TBC1D10A: variants seen among roughly 807,000 people sequenced by gnomAD.
TBC1D10A encodes the protein EBP50-PDX interactor of 64 kDa.
TBC1D10A carries 24 observed loss-of-function variants against 52.9 expected under a neutral mutation model. The ratio of observed to expected loss-of-function variants is 0.45; its 90% CI spans 0.33 to 0.64. TBC1D10A has a LOEUF of 0.64. Ranked by LOEUF, TBC1D10A falls within the 30% of genes least tolerant of loss-of-function variation. The pLI, the probability that TBC1D10A is intolerant of heterozygous loss-of-function variation, is 0.02. For synonymous variants in TBC1D10A, 278 were observed against 282.9 expected, an observed-to-expected ratio of 0.98 and a Z score of 0.17; for missense variants, 602 against 687.9, an observed-to-expected ratio of 0.88 and a Z score of 1.40.
intron 1 of TBC1D10A, among the ~76,000 whole-genome samples, chr22:30,318,394 C>T (rs1445797431): frequency 6.6e-6 from 1 of 152,222 alleles, no homozygotes; most frequent in African/African-American, 2.4e-5. Context: ...AAGCTCAACA[C>T]CGCTTATCCT....
chr22:30,293,170 C>T (rs762438481), intron 8 of TBC1D10A: 29 of 639,076 alleles, frequency 4.5e-5, no homozygotes, highest in African/African-American at 2.5e-4. Context: ...TGTCACCCAC[C>T]GCTGCCCAGG....
chr22:30,293,283 TGTAAAAGCTG>T lies in TBC1D10A; in HGVS notation c.1050+358_1050+367del, dbSNP rs1328609089. The T allele has an allele frequency of 8.3e-6, 5 of 599,366 alleles. No homozygotes were observed. In the East Asian group the frequency reaches 2.0e-4, roughly 23 times the overall value. 37.1% of individuals were successfully genotyped at this position (599,366 alleles called of 1,614,324 possible). On this transcript the variant is annotated intron_variant, in intron 8 of 8. Transcript: ENST00000215790. ...CTCTGTGAGCCTCCATTTCCTCATG[TGTAAAAGCTG>T]GTCACGCATGTTCCACCTAATTGCC...
chr22:30,322,730 G>C (rs768842217), intron 1 of TBC1D10A, among the ~76,000 whole-genome samples: 8 of 149,246 alleles, frequency 5.4e-5, no homozygotes, highest in Non-Finnish European at 1.0e-4. Flanking sequence ...CAAGTGGCTA[G>C]GACTATAGGT....
intron 8 of TBC1D10A, 132 bp from the exon 9 acceptor site, chr22:30,292,983 G>A: frequency 8.8e-6 from 9 of 1,026,540 alleles, no homozygotes; most frequent in Non-Finnish European, 1.1e-5. Context: ...CAGGAAGGAT[G>A]AGGGTCTAGT....
At chr22:30,304,816 C>T (rs962790749) in intron 1 of TBC1D10A, among the ~76,000 whole-genome samples, 186 bp from the exon 2 acceptor site, 7 of 152,198 alleles carry the variant, frequency 4.6e-5, no homozygotes, top group South Asian at 2.1e-4. Flanking sequence ...CCCCATCCAC[C>T]GCCTCAAGGC....
intron 1 of TBC1D10A, among the ~76,000 whole-genome samples, chr22:30,313,391 A>G (rs1008494852): frequency 5.1e-5 from 6 of 118,190 alleles, no homozygotes; most frequent in Admixed American, 3.5e-4. Context: ...GTGTGTTGTT[A>G]TTGTTGTTTT....
intron 1 of TBC1D10A, among the ~76,000 whole-genome samples, chr22:30,307,250 G>C (rs145895600): frequency 6.6e-6 from 1 of 152,154 alleles, no homozygotes; most frequent in Non-Finnish European, 1.5e-5. Context: ...TGGCCCATGG[G>C]GGATGTCGCA....
Position 30,292,752 on chromosome 22 carries a change from G to A in TBC1D10A, c.1150C>T (p.Pro384Ser). Residue 384 changes from proline to serine, a missense_variant, in exon 9 of 9, where the codon CCG becomes TCG. Transcript: ENST00000215790. Reference protein sequence around the residue: ...ETRGELQCRSPPRLHGAKAIL... With the variant: ...ETRGELQCRSSPRLHGAKAIL... ...GCCTTGGCACCATGCAGCCTGGGCG[G>A]GGAGCGGCACTGCAGCTCACCCCGG... 6.2e-7 allele frequency: 1 copy of A among 1,612,032 alleles called. No homozygotes were observed. The highest frequency in any genetic ancestry group is 8.5e-7 in the Non-Finnish European group (1 of 1,179,684).
chr22:30,306,614 GAAAC>G (rs927204455), intron 1 of TBC1D10A, among the ~76,000 whole-genome samples: 1 of 152,144 alleles, frequency 6.6e-6, no homozygotes, highest in Non-Finnish European at 1.5e-5. Flanking sequence ...GATCTTCTCA[GAAAC>G]AAACAAAAAA....
chr22:30,295,618 G>A (rs1265226605), intron 4 of TBC1D10A, 119 bp downstream of exon 4: 1 of 936,510 alleles, frequency 1.1e-6, no homozygotes, highest in Non-Finnish European at 1.7e-6. Flanking sequence ...AAAGGGAAAT[G>A]CTAAGAGTGG....
intron 6 of TBC1D10A, 133 bp from the exon 7 acceptor site, chr22:30,294,243 C>A: frequency 1.0e-6 from 1 of 988,982 alleles, no homozygotes; most frequent in Non-Finnish European, 1.5e-6. Context: ...CTGCCTCTGC[C>A]AGGTGCTAGG....
intron 8 of TBC1D10A, 22 bp downstream of exon 8, chr22:30,293,629 A>G (rs1930001167): frequency 6.3e-7 from 1 of 1,587,850 alleles, no homozygotes; most frequent in African/African-American, 1.3e-5. Flanking sequence ...TCCCCATGAT[A>G]AGGGGCAGGC....
At chr22:30,305,836 C>T (rs1184797823) in intron 1 of TBC1D10A, among the ~76,000 whole-genome samples, 1 of 152,192 alleles carries the variant, frequency 6.6e-6, no homozygotes, top group African/African-American at 2.4e-5. Flanking sequence ...TGGAACTGAA[C>T]GTCTGAGGAA....
At chr22:30,308,527 A>C (rs1930364772) in intron 1 of TBC1D10A, among the ~76,000 whole-genome samples, 1 of 152,234 alleles carries the variant, frequency 6.6e-6, no homozygotes. Flanking sequence ...TGATATTTCC[A>C]GATTGATTTT....
intron 4 of TBC1D10A, among the ~76,000 whole-genome samples, chr22:30,295,414 T>A (rs761665259): frequency 6.6e-6 from 1 of 151,968 alleles, no homozygotes; most frequent in African/African-American, 2.4e-5. Flanking sequence ...TCTGTCTTGG[T>A]CCCCTTGCCT....
chr22:30,313,706 ATG>A (rs1270590174), intron 1 of TBC1D10A, among the ~76,000 whole-genome samples: 1 of 151,442 alleles, frequency 6.6e-6, no homozygotes, highest in Non-Finnish European at 1.5e-5. Flanking sequence ...TGGCCAACAA[ATG>A]TGTGTGTTGA....
intron 6 of TBC1D10A, 34 bp downstream of exon 6, chr22:30,294,762 G>A (rs1194405813): frequency 6.2e-7 from 1 of 1,613,652 alleles, no homozygotes; most frequent in African/African-American, 1.3e-5. Flanking sequence ...AGGGTGTCCA[G>A]CCCAGGGCAA....
At chr22:30,318,090 A>G (rs1930575388) in intron 1 of TBC1D10A, among the ~76,000 whole-genome samples, 1 of 152,156 alleles carries the variant, frequency 6.6e-6, no homozygotes, top group Non-Finnish European at 1.5e-5. Context: ...TCCGGATGCC[A>G]CTGGTGGTGC....
At chr22:30,314,880 T>C (rs1601678780) in intron 1 of TBC1D10A, among the ~76,000 whole-genome samples, 1 of 149,354 alleles carries the variant, frequency 6.7e-6, no homozygotes, top group Admixed American at 6.7e-5. Context: ...AGGGTGGTGG[T>C]AATTATTAAG....
Sources: gnomAD v4.1 joint callset for allele counts (sites outside exome capture counted in the v4.1 genomes callset) on GRCh38, gnomAD v4.1.1 for gene constraint, MANE v1.5 for transcripts, NCBI Gene and HGNC (gene_info 2026-07-23, HGNC 2026-07-21) for gene names.